PRG3: variants seen among roughly 807,000 people sequenced by gnomAD.
The protein encoded by PRG3 is proteoglycan 3.
In PRG3, 25 loss-of-function variants were observed where a neutral mutation model predicts 26.1. That is an observed-to-expected ratio of 0.96 (90% CI 0.70 to 1.34). PRG3 has a LOEUF of 1.34. Among genes scored for constraint, PRG3 ranks in the 40% most tolerant of loss-of-function variants. PRG3 has a pLI of 0.00. For missense variants in PRG3, 280 were observed against 264.8 expected, an observed-to-expected ratio of 1.06 and a Z score of -0.40; for synonymous variants, 111 against 100.4, an observed-to-expected ratio of 1.11 and a Z score of -0.63.
chr11:57,378,624 C>T, intron 4 of PRG3, 57 bp downstream of exon 4: 3 of 1,588,798 alleles, frequency 1.9e-6, no homozygotes, highest in Non-Finnish European at 2.6e-6. Context: ...CCATCAGATG[C>T]TACTTTAACA....
rs1367960649 is a variant in PRG3, at chr11:57,380,431, AC to A, written c.61+216del. Reference sequence around the variant, plus strand: ...AAACAAAAAACAAACAAAAAAAAAAACAAAAACAACAACAACAAAAAAAAAT... The same window carrying A: ...AAACAAAAAACAAACAAAAAAAAAAAAAAAACAACAACAACAAAAAAAAAT... On this transcript the variant is annotated intron_variant, in intron 2 of 5. Coordinates refer to ENST00000287143, the MANE Select transcript of PRG3 (RefSeq NM_006093.4). Among the ~76,000 whole-genome samples the A allele has an allele frequency of 3.6e-3, 544 of 150,136 alleles. 2 individuals are homozygous for A. Among genetic ancestry groups the A allele is most frequent in the Non-Finnish European group, 4.6e-3 (311 of 67,816 alleles).
At chr11:57,380,856 C>T in intron 1 of PRG3, 75 bp from the exon 2 acceptor site, 1 of 557,194 alleles carries the variant, frequency 1.8e-6, no homozygotes. Context: ...TCTCCTCTTG[C>T]CATGAACAGA....
rs1424916446 is a variant in PRG3 at position 57,377,852 on chromosome 11, G to T, written c.508-16C>A. 1.9e-6 allele frequency: 3 copies of T among 1,601,954 alleles called. No homozygotes were observed. The highest frequency in any genetic ancestry group is 2.6e-6 in the Non-Finnish European group (3 of 1,170,500). ...TCCACAGGAACTAGAGAAGTGACAG[G>T]CTAGGTCAGAGGGCAGAAGTTCAGA... On this transcript the variant is annotated splice_polypyrimidine_tract_variant and intron_variant, in intron 4 of 5. Coordinates refer to ENST00000287143, the MANE Select transcript of PRG3 (RefSeq NM_006093.4).
Position 57,378,663 on chromosome 11 carries a change from A to T in PRG3, c.507+18T>A, listed in dbSNP as rs1185898171. ...TCAGAAAGAACTTACTGCACCCAAG[A>T]TTTGGCCCCTGACTTACCCAGCCCC... On this transcript the variant is annotated intron_variant, in intron 4 of 5. Transcript: ENST00000287143. 6.2e-7 allele frequency: 1 copy of T among 1,610,856 alleles called. No individual in the cohort carries two copies. Among genetic ancestry groups the T allele is most frequent in the African/African-American group, 1.3e-5 (1 of 74,872 alleles).
chr11:57,376,802 G>A lies in PRG3; in HGVS notation c.*48C>T, dbSNP rs1320134817. 1 of 1,583,720 alleles carries A rather than the reference G, an allele frequency of 6.3e-7. No individual in the cohort carries two copies. On this transcript the variant is annotated 3_prime_UTR_variant, in exon 6 of 6. Transcript: ENST00000287143. ...GAAGTCTGGATTTATGAGCAGGAGA[G>A]GTTGGGGGACGGGAGGGAGCTGCTG...
At position 57,380,883 on chromosome 11, in the gene PRG3, C is replaced by T. The variant is rs183738226; in HGVS notation, c.-73-102G>A. 5.5e-3 allele frequency: 2,670 copies of T among 487,888 alleles called. 13 individuals carry two copies. The highest frequency in any genetic ancestry group is 6.5e-3 in the Non-Finnish European group (1,816 of 281,186). The allele number at this position is 487,888 out of a possible 1,614,324, so 30.2% of individuals were successfully genotyped here. ...ATGAACAGACCCTGAGCTGGAGAGT[C>T]TAGAAAAGGAATGGTGGGAGGGATA... On this transcript the variant is annotated intron_variant, in intron 1 of 5. Coordinates refer to ENST00000287143, the MANE Select transcript of PRG3 (RefSeq NM_006093.4).
At chr11:57,379,418 A>G (rs1370142159) in intron 3 of PRG3, 76 bp downstream of exon 3, 22 of 1,396,708 alleles carry the variant, frequency 1.6e-5, no homozygotes, top group Non-Finnish European at 2.0e-5. Context: ...CCACTAGCCT[A>G]AATGAATAGG....
Position 57,377,606 on chromosome 11 carries a change from G to T in PRG3, c.619+119C>A, listed in dbSNP as rs1027535552. ...AGCCCTCCTTACACACAGGACTTTT[G>T]TTCTTCAGTCAGCGGGAGGGTCTGA... On this transcript the variant is annotated intron_variant, in intron 5 of 5. Transcript: ENST00000287143. The T allele has an allele frequency of 1.6e-5, 13 of 812,702 alleles. No homozygotes were observed. The African/African-American group carries it at 1.9e-4, about 12-fold the overall frequency. The allele number at this position is 812,702 out of a possible 1,614,324, so 50.3% of individuals were successfully genotyped here. A position where few individuals can be genotyped will look rare whatever the true frequency, so the allele number is the denominator to read the frequency against.
intron 3 of PRG3, 21 bp from the exon 4 acceptor site, chr11:57,378,833 G>C: frequency 6.2e-7 from 1 of 1,612,462 alleles, no homozygotes; most frequent in Non-Finnish European, 8.5e-7. Flanking sequence ...AAACAAAGTA[G>C]AGAATTCCCT....
At position 57,378,751 on chromosome 11, in the gene PRG3, T is replaced by C. The variant is rs146876965; in HGVS notation, c.437A>G (p.Tyr146Cys). Residue 146 changes from tyrosine (Y) to cysteine (C), a missense_variant, in exon 4 of 6, where the codon TAT (tyrosine) becomes TGT (cysteine). Transcript: ENST00000287143. ...LVSIHDFNFN[Y>C]RIQCCTSTVN... is the part of the protein sequence containing the mutation. The stretch of plus-strand genomic sequence containing the variant: ...TGTGCTAGTGCAGCACTGAATGCGA[T>C]AGTTGAAGTTGAAGTCATGGATAGA... The C allele has an allele frequency of 1.9e-6, 3 of 1,613,804 alleles. No individual in the cohort carries two copies. The highest frequency in any genetic ancestry group is 2.5e-6 in the Non-Finnish European group (3 of 1,179,908).
chr11:57,381,128 A>G lies in PRG3; in HGVS notation c.-88T>C. On this transcript the variant is annotated 5_prime_UTR_variant, in exon 1 of 6. Transcript: ENST00000287143. ...AAAGAACTCACCTTCCAAGAGTCTG[A>G]GACCTCCACTCTCAGTGCCTCTGGC... 1 of 154,296 alleles carries G rather than the reference A, an allele frequency of 6.5e-6. No individual in the cohort carries two copies. The highest frequency in any genetic ancestry group is 1.4e-5 in the Non-Finnish European group (1 of 69,584). The allele number at this position is 154,296 out of a possible 1,614,324, so 9.6% of individuals were successfully genotyped here.
At chr11:57,380,114 A>C (rs968657394) in intron 2 of PRG3, among the ~76,000 whole-genome samples, 2 of 152,216 alleles carry the variant, frequency 1.3e-5, no homozygotes, top group Non-Finnish European at 2.9e-5. Flanking sequence ...AGTTCAGGTT[A>C]CAGTTTGCCG....
chr11:57,378,903 A>G, intron 3 of PRG3, 91 bp from the exon 4 acceptor site: 1 of 1,486,796 alleles, frequency 6.7e-7, no homozygotes, highest in Non-Finnish European at 9.3e-7. Context: ...TTTCAGGTTA[A>G]AAATAAACCT....
chr11:57,380,877 G>C (rs1412263437), intron 1 of PRG3, 96 bp from the exon 2 acceptor site: 5 of 503,790 alleles, frequency 9.9e-6, no homozygotes, highest in Non-Finnish European at 1.7e-5. Context: ...CCCTGAGCTG[G>C]AGAGTCTAGA....
Position 57,379,825 on chromosome 11 carries a change from C to A in PRG3, c.62-18G>T. On this transcript the variant is annotated intron_variant, in intron 2 of 5. Coordinates refer to ENST00000287143, the MANE Select transcript of PRG3 (RefSeq NM_006093.4). ...ATCATTCTCTGGGAAGAAGAGGTAA[C>A]CTGCCATCAGGTCAAGAGCTTCCTA... The A allele has an allele frequency of 1.3e-6, 2 of 1,590,064 alleles. No individual in the cohort carries two copies. Among genetic ancestry groups the A allele is most frequent in the Non-Finnish European group, 1.7e-6 (2 of 1,167,896 alleles).
intron 2 of PRG3, 102 bp from the exon 3 acceptor site, chr11:57,379,909 T>A: frequency 9.2e-7 from 1 of 1,086,210 alleles, no homozygotes; most frequent in Non-Finnish European, 1.3e-6. Flanking sequence ...GAATTCCACC[T>A]GAAGACAAGA....
At chr11:57,380,444 CAACAAA>C (rs1220733353) in intron 2 of PRG3, among the ~76,000 whole-genome samples, 198 bp downstream of exon 2, 2 of 150,578 alleles carry the variant, frequency 1.3e-5, no homozygotes, top group Non-Finnish European at 3.0e-5. Context: ...AAAACAACAA[CAACAAA>C]AAAAAATCAA....
Position 57,377,778 on chromosome 11 carries a change from G to A in PRG3, c.566C>T (p.Ser189Phe). Residue 189 changes from serine (S) to phenylalanine (F), a missense_variant, in exon 5 of 6, where the codon TCC becomes TTC. Coordinates refer to ENST00000287143, the MANE Select transcript of PRG3 (RefSeq NM_006093.4). ...DGSHWNFAYWSPGQPGNGQGS... is the reference protein window; with the variant it reads ...DGSHWNFAYWFPGQPGNGQGS... ...TTGCCCATTCCCAGGTTGCCCTGGG[G>A]ACCAGTAAGCAAAATTCCAGTGGCT... 1 of 1,613,102 alleles carries A rather than the reference G, an allele frequency of 6.2e-7. No homozygotes were observed. The highest frequency in any genetic ancestry group is 8.5e-7 in the Non-Finnish European group (1 of 1,179,954).
chr11:57,378,833 G>A, intron 3 of PRG3, 21 bp from the exon 4 acceptor site: 3 of 1,612,462 alleles, frequency 1.9e-6, no homozygotes. Context: ...AAACAAAGTA[G>A]AGAATTCCCT....
Sources: allele counts gnomAD v4.1 joint callset (sites outside exome capture counted in the v4.1 genomes callset), GRCh38; gene constraint gnomAD v4.1.1; transcripts MANE v1.5; gene names NCBI Gene and HGNC (gene_info 2026-07-23, HGNC 2026-07-21).